KAT14: variants seen among roughly 807,000 people sequenced by gnomAD.
KAT14 encodes the protein cysteine-rich protein 2-binding protein.
KAT14 carries 66 observed loss-of-function variants against 78.4 expected under a neutral mutation model. That is an observed-to-expected ratio of 0.84 (90% CI 0.69 to 1.03). The LOEUF is 1.03. KAT14 is among the 50% of genes least tolerant of loss of function. The pLI is 0.00. For synonymous variants in KAT14, 344 were observed against 359.4 expected, an observed-to-expected ratio of 0.96 and a Z score of 0.48; for missense variants, 870 against 972.5, an observed-to-expected ratio of 0.89 and a Z score of 1.40.
In KAT14 at chr20:18,159,109, A is replaced by G. The variant is rs760515163; in HGVS notation, c.526A>G (p.Thr176Ala). 1 of 1,610,094 alleles carries G rather than the reference A, an allele frequency of 6.2e-7. No homozygotes were observed. The change falls in exon 5 of 11, where the codon ACC becomes GCC. Residue 176 changes from threonine to alanine, a missense_variant. Transcript: ENST00000688188. ...GAAAAAGACGTCTACCTGGTGGAGC[A>G]CCGTGGCAGGTTGCCTCAGCGTGGG... Reference protein sequence around the residue: ...NRKKTSTWWSTVAGCLSVGSP... With the variant: ...NRKKTSTWWSAVAGCLSVGSP...
chr20:18,179,126 C>G (rs2146514890), intron 7 of KAT14, among the ~76,000 whole-genome samples: 1 of 152,360 alleles, frequency 6.6e-6, no homozygotes, highest in South Asian at 2.1e-4. Context: ...AAGGTAGGTT[C>G]TCAGAGTCTT....
At chr20:18,158,319 C>G (rs1168315420) in intron 4 of KAT14, among the ~76,000 whole-genome samples, 2 of 152,154 alleles carry the variant, frequency 1.3e-5, no homozygotes, top group East Asian at 3.8e-4. Context: ...CGTCTCTGTT[C>G]CTCAGAATGG....
chr20:18,158,584 A>G (rs6081010), intron 4 of KAT14, among the ~76,000 whole-genome samples: 199 of 152,192 alleles, frequency 1.3e-3, no homozygotes, highest in Non-Finnish European at 2.2e-3. Context: ...ATCGAGGCAG[A>G]TAGGATCAGA....
chr20:18,149,653 T>C (rs1331569911), intron 3 of KAT14, among the ~76,000 whole-genome samples: 1 of 152,180 alleles, frequency 6.6e-6, no homozygotes, highest in African/African-American at 2.4e-5. Flanking sequence ...ACTACACTCC[T>C]TACAGCTACA....
At position 18,181,759 on chromosome 20, in the gene KAT14, T is replaced by TAA; in HGVS notation, c.1718_1719insAA (p.Tyr574SerfsTer5). 6.2e-7 allele frequency: 1 copy of TAA among 1,614,214 alleles called. No homozygotes were observed. Among genetic ancestry groups the TAA allele is most frequent in the East Asian group, 2.2e-5 (1 of 44,886 alleles). The stretch of plus-strand genomic sequence containing the variant: ...TTTCGACACCAGACCACCAAGTTTT[T>TAA]GTATCGCTTGGTAGGATCAGAAGAT... On this transcript the variant is annotated frameshift_variant, in exon 8 of 11. Coordinates refer to ENST00000688188, the MANE Select transcript of KAT14 (RefSeq NM_001392073.1). LOFTEE classifies it high-confidence loss of function.
At chr20:18,156,485 C>T (rs889673681) in intron 4 of KAT14, among the ~76,000 whole-genome samples, 2 of 152,158 alleles carry the variant, frequency 1.3e-5, no homozygotes, top group African/African-American at 2.4e-5. Context: ...AAATTTATTC[C>T]ATTCCATACA....
chr20:18,181,921 C>T, intron 8 of KAT14, 75 bp downstream of exon 8: 2 of 1,575,108 alleles, frequency 1.3e-6, no homozygotes, highest in Non-Finnish European at 1.7e-6. Context: ...GCCCTGTTCT[C>T]CTGTTGGAGA....
At chr20:18,175,981 G>A (rs898004911) in intron 7 of KAT14, among the ~76,000 whole-genome samples, 1 of 147,878 alleles carries the variant, frequency 6.8e-6, no homozygotes, top group African/African-American at 2.5e-5. Context: ...GCACTCCAGC[G>A]TGGGCAACTG....
intron 7 of KAT14, among the ~76,000 whole-genome samples, chr20:18,180,110 C>G (rs1342643271): frequency 6.6e-6 from 1 of 152,148 alleles, no homozygotes; most frequent in Non-Finnish European, 1.5e-5. Flanking sequence ...CTCAGGTGAT[C>G]TGCCCACCTC....
chr20:18,163,116 C>A (rs2038510076), intron 7 of KAT14, among the ~76,000 whole-genome samples, 171 bp downstream of exon 7: 1 of 152,348 alleles, frequency 6.6e-6, no homozygotes, highest in Admixed American at 6.5e-5. Flanking sequence ...CTTTATTTTT[C>A]AGAATTGTTC....
Position 18,142,189 on chromosome 20 carries a change from CTG to C in KAT14, c.-453-17_-453-16del, listed in dbSNP as rs1004846719. ...CACCTGTTCGGGATGTTACTGAAATCTGTTTCTTACGTTTTTAGAGGCTTCGT... is the reference window on the plus strand; with the variant it reads ...CACCTGTTCGGGATGTTACTGAAATCTTTCTTACGTTTTTAGAGGCTTCGT... On this transcript the variant is annotated splice_polypyrimidine_tract_variant and intron_variant, in intron 1 of 10. Coordinates refer to ENST00000688188, the MANE Select transcript of KAT14 (RefSeq NM_001392073.1). 1 of 1,534,084 alleles carries C rather than the reference CTG, an allele frequency of 6.5e-7. No individual in the cohort carries two copies. The highest frequency in any genetic ancestry group is 1.4e-5 in the African/African-American group (1 of 72,942).
chr20:18,180,313 T>G (rs963534694), intron 7 of KAT14, among the ~76,000 whole-genome samples: 1 of 152,218 alleles, frequency 6.6e-6, no homozygotes, highest in Non-Finnish European at 1.5e-5. Context: ...AGAGTCACCT[T>G]TGCTCCAATT....
chr20:18,180,858 A>G (rs2039223340), intron 7 of KAT14, among the ~76,000 whole-genome samples: 2 of 152,228 alleles, frequency 1.3e-5, no homozygotes, highest in South Asian at 2.1e-4. Context: ...GGTCCCTCCC[A>G]CAACACAAAG....
chr20:18,137,998 C>T lies in KAT14; in HGVS notation c.-507C>T, dbSNP rs1004255968. On this transcript the variant is annotated 5_prime_UTR_variant, in exon 1 of 11. Coordinates refer to ENST00000688188, the MANE Select transcript of KAT14 (RefSeq NM_001392073.1). ...GGTGGTGCTGGGCCTCTCGGTGCTG[C>T]TGACGGCGGCCACAGTGGCCGGCGT... 1.5e-5 allele frequency: 22 copies of T among 1,507,004 alleles called. No individual in the cohort carries two copies. The highest frequency in any genetic ancestry group is 1.8e-5 in the Non-Finnish European group (20 of 1,134,558). The allele number at this position is 1,507,004 out of a possible 1,614,324, so 93.4% of individuals were successfully genotyped here.
intron 10 of KAT14, among the ~76,000 whole-genome samples, chr20:18,185,579 C>G (rs6075294): frequency 0.12 from 18,002 of 152,194 alleles, 1,385 homozygotes; most frequent in African/African-American, 0.22. Flanking sequence ...AGATTTGATT[C>G]TAGTATTGAA....
chr20:18,183,340 C>G, intron 9 of KAT14, 42 bp downstream of exon 9: 2 of 1,571,022 alleles, frequency 1.3e-6, no homozygotes, highest in Non-Finnish European at 1.7e-6. Context: ...TTTTTCTGTA[C>G]AGTCCATTCT....
rs1278156666 is a variant in KAT14, at chr20:18,142,481, A to C, written c.-180A>C. On this transcript the variant is annotated 5_prime_UTR_variant, in exon 2 of 11. Coordinates refer to ENST00000688188, the MANE Select transcript of KAT14 (RefSeq NM_001392073.1). ...TGTCCTTTTAAACTTGATCAAATAA[A>C]GGACAGTGGGTCATATAAGTTACTG... The C allele has an allele frequency of 1.2e-5, 18 of 1,457,198 alleles. No homozygotes were observed. The highest frequency in any genetic ancestry group is 1.6e-5 in the Non-Finnish European group (18 of 1,109,966). 90.3% of individuals were successfully genotyped at this position (1,457,198 alleles called of 1,614,324 possible). A position where few individuals can be genotyped will look rare whatever the true frequency, so the allele number is the denominator to read the frequency against.
At chr20:18,150,698 C>A in intron 3 of KAT14, 123 bp from the exon 4 acceptor site, 1 of 1,468,680 alleles carries the variant, frequency 6.8e-7, no homozygotes, top group South Asian at 1.3e-5. Flanking sequence ...ACCGTCCGTC[C>A]TTTGTTCGCT....
chr20:18,179,323 G>A (rs1234528521), intron 7 of KAT14, among the ~76,000 whole-genome samples: 3 of 152,192 alleles, frequency 2.0e-5, no homozygotes, highest in African/African-American at 7.2e-5. Flanking sequence ...GACTCTGTGT[G>A]GGGGCTCTGA....
Sources: allele counts gnomAD v4.1 joint callset (sites outside exome capture counted in the v4.1 genomes callset), GRCh38; gene constraint gnomAD v4.1.1; transcripts MANE v1.5; gene names NCBI Gene and HGNC (gene_info 2026-07-23, HGNC 2026-07-21).